The following SLIT2 variants were observed in gnomAD, a reference collection of about 807,000 sequenced individuals.
The protein encoded by SLIT2 is slit guidance ligand 2.
SLIT2 carries 41 observed loss-of-function variants against 185.7 expected under a neutral mutation model. The observed-to-expected ratio is 0.22, with a 90% confidence interval of 0.17 to 0.29. SLIT2 has a LOEUF of 0.29. SLIT2 is among the 10% of genes least tolerant of loss of function. The probability of loss-of-function intolerance (pLI) is 1.00; values close to 1 mark genes in which losing one functional copy is unlikely to be tolerated. For missense variants in SLIT2, 1,571 were observed against 1,909.0 expected (o/e 0.82, Z 3.30); for synonymous variants, 693 against 680.2 (o/e 1.02, Z -0.29).
intron 4 of SLIT2, among the ~76,000 whole-genome samples, chr4:20,453,352 C>G (rs1712688515): frequency 6.6e-6 from 1 of 152,074 alleles, no homozygotes; most frequent in Non-Finnish European, 1.5e-5. Context: ...TCTATTTTAT[C>G]TTAAATTGTA....
intron 4 of SLIT2, among the ~76,000 whole-genome samples, chr4:20,463,487 A>ATGTG (rs1475911442): frequency 5.2e-4 from 47 of 90,434 alleles, no homozygotes; most frequent in African/African-American, 2.1e-3. Flanking sequence ...ATATATATAT[A>ATGTG]TATATGTGTG....
chr4:20,617,353 A>C, intron 35 of SLIT2, 86 bp from the exon 36 acceptor site: 5 of 1,425,030 alleles, frequency 3.5e-6, no homozygotes, highest in Non-Finnish European at 4.9e-6. Context: ...TATTTTCTCA[A>C]TCATCCTCCA....
At chr4:20,478,759 T>C (rs1716382938) in intron 5 of SLIT2, among the ~76,000 whole-genome samples, 7 of 152,222 alleles carry the variant, frequency 4.6e-5, no homozygotes, top group Admixed American at 4.6e-4. Flanking sequence ...TTCATGCCAT[T>C]GTACTAATTT....
rs893150757 is a variant in SLIT2, at chr4:20,251,938, G to A, written c.-1878G>A. Reference sequence around the variant, plus strand: ...TTATTTATTTGGGAAGCGCCCGGACGGCGGAGCTTGGCGGCGGCGGTGGTG... The same window carrying A: ...TTATTTATTTGGGAAGCGCCCGGACAGCGGAGCTTGGCGGCGGCGGTGGTG... On this transcript the variant is annotated 5_prime_UTR_variant, in exon 1 of 37. Coordinates refer to ENST00000504154, the MANE Select transcript of SLIT2 (RefSeq NM_004787.4). Among the ~76,000 whole-genome samples the A allele has an allele frequency of 3.3e-5, 5 of 152,154 alleles. No homozygotes were observed. Among genetic ancestry groups the A allele is most frequent in the Admixed American group, 1.3e-4 (2 of 15,282 alleles).
chr4:20,405,154 T>C (rs1046203300), intron 4 of SLIT2, among the ~76,000 whole-genome samples: 1 of 151,938 alleles, frequency 6.6e-6, no homozygotes, highest in African/African-American at 2.4e-5. Context: ...GCAGTTGTGA[T>C]GCATAATAAT....
intron 4 of SLIT2, among the ~76,000 whole-genome samples, chr4:20,297,688 AT>A (rs142663147): frequency 0.3 from 45,475 of 151,506 alleles, 7,440 homozygotes; most frequent in East Asian, 0.68. Flanking sequence ...TTTAAAAAAA[AT>A]CTCATGGGTT....
intron 4 of SLIT2, among the ~76,000 whole-genome samples, chr4:20,456,706 C>T (rs1022462374): frequency 6.6e-6 from 1 of 152,008 alleles, no homozygotes; most frequent in Non-Finnish European, 1.5e-5. Flanking sequence ...ATGATTATTT[C>T]CTGGTTAGTA....
intron 4 of SLIT2, among the ~76,000 whole-genome samples, chr4:20,409,957 C>A (rs1386522772): frequency 1.3e-5 from 2 of 152,022 alleles, no homozygotes; most frequent in Non-Finnish European, 2.9e-5. Flanking sequence ...TTTGTAGATG[C>A]TGGGTATTAG....
At chr4:20,366,906 T>C (rs1723164352) in intron 4 of SLIT2, among the ~76,000 whole-genome samples, 1 of 152,022 alleles carries the variant, frequency 6.6e-6, no homozygotes, top group Non-Finnish European at 1.5e-5. Context: ...CAAGTGATCC[T>C]CCAACCTCAG....
intron 4 of SLIT2, among the ~76,000 whole-genome samples, chr4:20,315,515 A>C (rs963645635): frequency 1.3e-5 from 2 of 152,150 alleles, no homozygotes; most frequent in Non-Finnish European, 2.9e-5. Context: ...AAGAAGGGGA[A>C]GAATGTGTAT....
intron 34 of SLIT2, chr4:20,616,195 G>A (rs1729634539): frequency 1.3e-5 from 2 of 152,236 alleles, no homozygotes; most frequent in East Asian, 3.9e-4. Flanking sequence ...AGAATCAGGA[G>A]TGAGTTTTTA....
chr4:20,319,413 T>C (rs1718857477), intron 4 of SLIT2, among the ~76,000 whole-genome samples: 1 of 152,192 alleles, frequency 6.6e-6, no homozygotes, highest in Non-Finnish European at 1.5e-5. Flanking sequence ...TTTTCAGGTC[T>C]CTTCCTTTAA....
At position 20,553,904 on chromosome 4, in the gene SLIT2, T is replaced by C; in HGVS notation, c.2661T>C (p.Ala887=). 2.5e-6 allele frequency: 4 copies of C among 1,613,110 alleles called. No individual in the cohort carries two copies. The South Asian group carries it at 4.4e-5, about 18-fold the overall frequency. Residue 887 remains alanine (A), a synonymous_variant, in exon 26 of 37, where the codon GCT becomes GCC. Coordinates refer to ENST00000504154, the MANE Select transcript of SLIT2 (RefSeq NM_004787.4). ...EYKEPGIARC[A]GPGEMADKLL... is the part of the protein sequence containing the mutation. ...AGGAGCCTGGAATTGCTCGTTGTGC[T>C]GGTCCTGGAGAAATGGCAGATAAAC...
At chr4:20,315,003 T>TA (rs528919568) in intron 4 of SLIT2, among the ~76,000 whole-genome samples, 36,150 of 115,156 alleles carry the variant, frequency 0.31, 5,220 homozygotes, top group East Asian at 0.68. Flanking sequence ...CTGTATTACC[T>TA]GTAATAAAAT....
chr4:20,366,669 G>A (rs115564349), intron 4 of SLIT2, among the ~76,000 whole-genome samples: 2,261 of 152,256 alleles, frequency 0.015, 55 homozygotes, highest in African/African-American at 0.05. Flanking sequence ...AGATGAGGAA[G>A]TGAATGGATA....
intron 26 of SLIT2, among the ~76,000 whole-genome samples, chr4:20,564,764 G>A (rs1560198964): frequency 6.9e-6 from 1 of 144,624 alleles, no homozygotes; most frequent in Non-Finnish European, 1.5e-5. Context: ...CTGAGTGTAT[G>A]AGAATGCTTG....
chr4:20,496,344 TAGAA>T (rs1261740420), intron 9 of SLIT2, among the ~76,000 whole-genome samples: 3 of 152,234 alleles, frequency 2.0e-5, no homozygotes, highest in Admixed American at 6.5e-5. Flanking sequence ...GAAGGAATAA[TAGAA>T]AGAGACTGAC....
intron 34 of SLIT2, among the ~76,000 whole-genome samples, chr4:20,613,664 T>G (rs181613461): frequency 6.6e-6 from 1 of 151,736 alleles, no homozygotes; most frequent in African/African-American, 2.4e-5. Flanking sequence ...TGGTGGGGAG[T>G]GTAACCCTCA....
In SLIT2 at chr4:20,616,965, A is replaced by G. The variant is rs1729704606; in HGVS notation, c.3903A>G (p.Gly1301=). 2 of 1,613,964 alleles carry G rather than the reference A, an allele frequency of 1.2e-6. No homozygotes were observed. The highest frequency in any genetic ancestry group is 4.5e-5 in the East Asian group (2 of 44,854). Residue 1301 remains glycine (G), a synonymous_variant, in exon 35 of 37, where the codon GGA becomes GGG. Coordinates refer to ENST00000504154, the MANE Select transcript of SLIT2 (RefSeq NM_004787.4). ...ASLRQAPGQN[G]TSFHGCIRNL... ...TGCGCCAGGCCCCTGGGCAGAACGG[A>G]ACCAGCTTCCACGGCTGCATCCGGA...
Sources: allele counts gnomAD v4.1 joint callset (sites outside exome capture counted in the v4.1 genomes callset), GRCh38; gene constraint gnomAD v4.1.1; transcripts MANE v1.5; gene names NCBI Gene and HGNC (gene_info 2026-07-23, HGNC 2026-07-21).